The following METTL6 variants were observed in gnomAD, a reference collection of about 807,000 sequenced individuals.
METTL6 encodes methyltransferase 6, tRNA N3-cytidine, also known as tRNA N(3)-cytidine methyltransferase METTL6.
A neutral mutation model predicts 26.4 loss-of-function variants in METTL6; 22 were observed. The observed-to-expected ratio is 0.83, with a 90% CI of 0.59 to 1.19. The LOEUF (loss-of-function observed/expected upper bound fraction) is 1.19, where lower values mean the gene tolerates loss of function less well. Among genes scored for constraint, METTL6 ranks in the 50% most tolerant of loss-of-function variants. The probability of loss-of-function intolerance (pLI) is 0.00; values close to 1 mark genes in which losing one functional copy is unlikely to be tolerated. For synonymous variants in METTL6, 109 were observed against 116.2 expected (o/e 0.94, Z 0.40); for missense variants, 304 against 324.8 (o/e 0.94, Z 0.49).
At chr3:15,408,888 T>G (rs1448366802), downstream of METTL6, among the ~76,000 whole-genome samples, 1 of 152,134 alleles carries the variant, frequency 6.6e-6, no homozygotes, top group Admixed American at 6.6e-5. Context: ...GTGAAAGGAC[T>G]TCTACGGAGG....
chr3:15,389,754 G>A (rs1043134941), intron 6 of METTL6, among the ~76,000 whole-genome samples: 1 of 151,112 alleles, frequency 6.6e-6, no homozygotes, highest in Non-Finnish European at 1.5e-5. Context: ...TCTCCATGTT[G>A]GTCAGGCTGG....
At chr3:15,389,162 T>C (rs1032188819) in intron 6 of METTL6, among the ~76,000 whole-genome samples, 28 of 152,032 alleles carry the variant, frequency 1.8e-4, no homozygotes, top group Non-Finnish European at 1.3e-4. Flanking sequence ...GGCCTTTTTT[T>C]TTTTTCTAAG....
chr3:15,423,714 A>C (rs576041154), intron 3 of METTL6, among the ~76,000 whole-genome samples: 5 of 151,994 alleles, frequency 3.3e-5, no homozygotes, highest in Admixed American at 6.6e-5. Flanking sequence ...CTCTAAAATA[A>C]ATAAATAAAC....
At position 15,414,049 on chromosome 3, in the gene METTL6, A is replaced by G. The variant is rs780562094; in HGVS notation, c.645T>C (p.Asp215=). The change falls in exon 5 of 6, where the codon GAT becomes GAC. Residue 215 remains aspartate (D), a synonymous_variant. Coordinates refer to ENST00000383790, the MANE Select transcript of METTL6 (RefSeq NM_152396.4). ...KLGENFYVRQ[D]GTRSYFFTDD... ...CAGTAAAAAAATATGATCTGGTCCC[A>G]TCTTGTCTAACATAAAAGTTTTCTC... 4 of 1,614,202 alleles carry G rather than the reference A, an allele frequency of 2.5e-6. No individual in the cohort carries two copies. The East Asian group carries it at 6.7e-5, about 27-fold the overall frequency.
intron 1 of METTL6, among the ~76,000 whole-genome samples, chr3:15,427,022 T>C (rs1004914610): frequency 6.6e-6 from 1 of 152,224 alleles, no homozygotes; most frequent in Non-Finnish European, 1.5e-5. Flanking sequence ...AATTGTCAGA[T>C]ACAAGTGAGG....
intron 6 of METTL6, among the ~76,000 whole-genome samples, chr3:15,398,312 G>A (rs1699547740): frequency 6.6e-6 from 1 of 152,046 alleles, no homozygotes; most frequent in Admixed American, 6.6e-5. Flanking sequence ...TCCTGCCTCA[G>A]CCTCCCAAGT....
intron 6 of METTL6, among the ~76,000 whole-genome samples, chr3:15,401,536 CAAA>C (rs35578326): frequency 2.8e-5 from 2 of 71,854 alleles, no homozygotes; most frequent in Non-Finnish European, 5.3e-5. Flanking sequence ...ATGTTCACGC[CAAA>C]AAAAAAAAAA....
At chr3:15,422,339 TA>T in intron 3 of METTL6, among the ~76,000 whole-genome samples, 1 of 150,524 alleles carries the variant, frequency 6.6e-6, no homozygotes, top group Non-Finnish European at 1.5e-5. Context: ...AAATAAAAAA[TA>T]AAAATAGGCT....
rs767736671 is a variant in METTL6, at chr3:15,425,075, C to G, written c.240G>C (p.Lys80Asn). The change falls in exon 3 of 6, where the codon AAG (lysine) becomes AAC (asparagine). Residue 80 changes from lysine to asparagine, a missense_variant. Lys to Asn is a moderately conservative substitution (Grantham distance 94). Transcript: ENST00000383790. The part of the protein sequence containing the change: ...LRSCREFEDQ[K>N]LTMLEAGCGV... ...CACAGCCAGCTTCAAGCATTGTTAA[C>G]TTTTGATCTTCAAACTGGGGAAAGA... 1.3e-5 allele frequency: 21 copies of G among 1,614,094 alleles called. No homozygotes were observed. The highest frequency in any genetic ancestry group is 1.7e-5 in the Non-Finnish European group (20 of 1,180,004).
chr3:15,419,130 G>A (rs1046992354), intron 3 of METTL6, among the ~76,000 whole-genome samples: 6 of 151,680 alleles, frequency 4.0e-5, no homozygotes, highest in African/African-American at 1.5e-4. Context: ...CTATACTCCA[G>A]CCTAGGTGAC....
At position 15,410,694 on chromosome 3, in the gene METTL6, C is replaced by G. The variant is rs1027497354; in HGVS notation, c.*562G>C. The stretch of plus-strand genomic sequence containing the variant: ...TGAAACCATGGATAAAGCGGGACTA[C>G]TGTACATGCTCATTAAAAAAAATTA... On this transcript the variant is annotated 3_prime_UTR_variant, in exon 6 of 6. Coordinates refer to ENST00000383790, the MANE Select transcript of METTL6 (RefSeq NM_152396.4). Among the ~76,000 whole-genome samples, 4 of 152,012 alleles carry G rather than the reference C, an allele frequency of 2.6e-5. No homozygotes were observed. The highest frequency in any genetic ancestry group is 3.9e-4 in the East Asian group (2 of 5,170).
chr3:15,412,900 C>T (rs1244874507), intron 5 of METTL6, among the ~76,000 whole-genome samples: 1 of 152,162 alleles, frequency 6.6e-6, no homozygotes, highest in Non-Finnish European at 1.5e-5. Flanking sequence ...TTCAAGACAC[C>T]TAAAAGACCA....
intron 6 of METTL6, among the ~76,000 whole-genome samples, chr3:15,386,534 A>G (rs1212161868): frequency 6.6e-6 from 1 of 152,172 alleles, no homozygotes; most frequent in Non-Finnish European, 1.5e-5. Context: ...GGTTTTATAC[A>G]TGGGCATGGT....
At chr3:15,422,864 G>C (rs981101070) in intron 3 of METTL6, among the ~76,000 whole-genome samples, 1 of 152,104 alleles carries the variant, frequency 6.6e-6, no homozygotes, top group African/African-American at 2.4e-5. Context: ...ATGACAGGAT[G>C]TAATATGCAA....
At chr3:15,386,032 T>C (rs943125021) in intron 6 of METTL6, among the ~76,000 whole-genome samples, 6 of 152,194 alleles carry the variant, frequency 3.9e-5, no homozygotes, top group Non-Finnish European at 7.3e-5. Context: ...GGCTCCTCCA[T>C]AGGCAGAGCA....
chr3:15,403,253 G>C (rs963270205), intron 6 of METTL6, among the ~76,000 whole-genome samples: 2 of 152,088 alleles, frequency 1.3e-5, no homozygotes, highest in Non-Finnish European at 2.9e-5. Flanking sequence ...TGGGATTATA[G>C]GTATGAGCCA....
downstream of METTL6, among the ~76,000 whole-genome samples, chr3:15,407,842 TTC>T (rs1328794026): frequency 6.6e-6 from 1 of 152,208 alleles, no homozygotes; most frequent in Non-Finnish European, 1.5e-5. Flanking sequence ...TGTTGTAGTG[TTC>T]TCTTTATGGG....
intron 4 of METTL6, chr3:15,415,432 C>T (rs1297557729): frequency 5.5e-6 from 8 of 1,456,298 alleles, no homozygotes; most frequent in Admixed American, 2.0e-5. Flanking sequence ...GTTGGGATTA[C>T]AGGCATGAAA....
chr3:15,397,184 C>T (rs542443171), intron 6 of METTL6, among the ~76,000 whole-genome samples: 8 of 152,322 alleles, frequency 5.3e-5, no homozygotes, highest in African/African-American at 1.4e-4. Flanking sequence ...TCAGCAATGG[C>T]GGGCGCCCCT....
Sources: allele counts gnomAD v4.1 joint callset (sites outside exome capture counted in the v4.1 genomes callset), GRCh38; gene constraint gnomAD v4.1.1; transcripts MANE v1.5; gene names NCBI Gene and HGNC (gene_info 2026-07-23, HGNC 2026-07-21).